The following TNRC6A variants were observed in gnomAD, a reference collection of about 807,000 sequenced individuals.
TNRC6A encodes trinucleotide repeat-containing gene 6A protein.
Under a neutral mutation model 221.2 loss-of-function variants are expected in TNRC6A, and 44 were observed. That is an observed-to-expected ratio of 0.20 (90% CI 0.16 to 0.26). The LOEUF (loss-of-function observed/expected upper bound fraction) is 0.26. Ranked by LOEUF, TNRC6A falls within the 10% of genes least tolerant of loss-of-function variation. The pLI, the probability that TNRC6A is intolerant of heterozygous loss-of-function variation, is 1.00. For missense variants in TNRC6A, 2,199 were observed against 2,404.4 expected (o/e 0.91, Z 1.79); for synonymous variants, 847 against 838.5 (o/e 1.01, Z -0.18).
chr16:24,760,527 C>G (rs1381161658), intron 4 of TNRC6A, among the ~76,000 whole-genome samples: 1 of 152,178 alleles, frequency 6.6e-6, no homozygotes, highest in African/African-American at 2.4e-5. Context: ...AGTGATTTCA[C>G]TCATGTCATC....
intron 2 of TNRC6A, among the ~76,000 whole-genome samples, chr16:24,741,799 C>T (rs1257995872): frequency 1.5e-5 from 2 of 137,136 alleles, no homozygotes; most frequent in African/African-American, 5.0e-5. Context: ...TGTGCCTAGT[C>T]TCTCATGGCT....
At chr16:24,679,523 C>T (rs1168853411) in intron 2 of TNRC6A, among the ~76,000 whole-genome samples, 1 of 152,096 alleles carries the variant, frequency 6.6e-6, no homozygotes, top group African/African-American at 2.4e-5. Context: ...GTCGCCCAGG[C>T]TGGAGTGCAG....
intron 1 of TNRC6A, among the ~76,000 whole-genome samples, chr16:24,633,437 C>T (rs544516519): frequency 6.6e-6 from 1 of 152,146 alleles, no homozygotes; most frequent in African/African-American, 2.4e-5. Flanking sequence ...CTCTGTTGCC[C>T]AGGCTGGAGT....
At chr16:24,611,047 C>T (rs1421531915) in intron 1 of TNRC6A, among the ~76,000 whole-genome samples, 3 of 152,000 alleles carry the variant, frequency 2.0e-5, no homozygotes, top group Admixed American at 6.6e-5. Context: ...TCCTGACCTC[C>T]GGTGATCTCC....
intron 1 of TNRC6A, among the ~76,000 whole-genome samples, chr16:24,630,354 A>G (rs765117024): frequency 2.0e-5 from 3 of 152,054 alleles, no homozygotes; most frequent in Non-Finnish European, 4.4e-5. Context: ...AGCATCTGGA[A>G]GTGCTATCTT....
intron 15 of TNRC6A, 26 bp from the exon 16 acceptor site, chr16:24,806,177 TAAC>T (rs774359247): frequency 3.1e-6 from 5 of 1,613,052 alleles, no homozygotes; most frequent in Non-Finnish European, 3.4e-6. Flanking sequence ...GGTGTGATAG[TAAC>T]AACCTTTTCG....
intron 2 of TNRC6A, among the ~76,000 whole-genome samples, chr16:24,648,493 A>G (rs1314774410): frequency 1.3e-5 from 2 of 151,816 alleles, no homozygotes; most frequent in Non-Finnish European, 2.9e-5. Flanking sequence ...GATGGTCTCG[A>G]TCTCCTGACC....
chr16:24,806,838 G>A, intron 17 of TNRC6A, 54 bp downstream of exon 17: 9 of 1,542,130 alleles, frequency 5.8e-6, no homozygotes, highest in Non-Finnish European at 5.4e-6. Context: ...TCACAGGCGT[G>A]CCTCCTTCAC....
chr16:24,632,771 G>A (rs1304436143), intron 1 of TNRC6A, among the ~76,000 whole-genome samples: 1 of 152,024 alleles, frequency 6.6e-6, no homozygotes, highest in Non-Finnish European at 1.5e-5. Flanking sequence ...CACTTTGGGA[G>A]GCCGAGGCGG....
rs997910248 is a variant in TNRC6A at position 24,806,291 on chromosome 16, C to G, written c.4329+8C>G. On this transcript the variant is annotated splice_region_variant and intron_variant, in intron 16 of 24. Transcript: ENST00000395799. ...CCGCAGCAAGACCAGCAGGTAGAGC[C>G]CGCCCTGCAACTCGCAATGCTGTCT... is the stretch of plus-strand genomic sequence containing the variant. 18 of 1,613,830 alleles carry G rather than the reference C, an allele frequency of 1.1e-5. No individual in the cohort carries two copies. The highest frequency in any genetic ancestry group is 1.4e-5 in the Non-Finnish European group (17 of 1,179,958).
At chr16:24,821,382 C>A (rs1303709272) in intron 22 of TNRC6A, among the ~76,000 whole-genome samples, 1 of 152,204 alleles carries the variant, frequency 6.6e-6, no homozygotes, top group Non-Finnish European at 1.5e-5. Context: ...CGAGGGGCAG[C>A]CTCTGCCAAG....
intron 3 of TNRC6A, among the ~76,000 whole-genome samples, chr16:24,752,128 A>G (rs2057151083): frequency 6.6e-6 from 1 of 152,174 alleles, no homozygotes; most frequent in African/African-American, 2.4e-5. Flanking sequence ...GTATTTTAGT[A>G]TGTTTACCTT....
intron 2 of TNRC6A, among the ~76,000 whole-genome samples, chr16:24,651,002 A>G (rs1182491727): frequency 1.3e-5 from 2 of 152,158 alleles, no homozygotes; most frequent in African/African-American, 4.8e-5. Flanking sequence ...TGGATTGAAC[A>G]GTGTAGCTCC....
chr16:24,705,003 T>G (rs529979272), intron 2 of TNRC6A, among the ~76,000 whole-genome samples: 1 of 152,222 alleles, frequency 6.6e-6, no homozygotes, highest in South Asian at 2.1e-4. Flanking sequence ...ACTTAAATTT[T>G]TTTTAATTTT....
chr16:24,790,510 A>G lies in TNRC6A; in HGVS notation c.1868A>G (p.Asn623Ser), dbSNP rs560166600. The G allele has an allele frequency of 1.1e-5, 18 of 1,614,234 alleles. No individual in the cohort carries two copies. The South Asian group carries it at 1.3e-4, about 12-fold the overall frequency. The stretch of plus-strand genomic sequence containing the variant: ...GTTGAGTGGAACAAACTGCCTAGCA[A>G]TCAGCATTCCAATGATAGTGCAAAT... ...PSVEWNKLPS[N>S]QHSNDSANGN... Residue 623 changes from asparagine to serine, a missense_variant, in exon 6 of 25, where the codon AAT becomes AGT. Coordinates refer to ENST00000395799, the MANE Select transcript of TNRC6A (RefSeq NM_014494.4).
intron 2 of TNRC6A, among the ~76,000 whole-genome samples, chr16:24,730,806 T>C (rs2056620480): frequency 7.5e-6 from 1 of 133,872 alleles, no homozygotes. Flanking sequence ...AGTTTTGTCC[T>C]TGAACTTTAC....
intron 2 of TNRC6A, among the ~76,000 whole-genome samples, chr16:24,695,400 A>T (rs772360848): frequency 2.1e-4 from 32 of 151,900 alleles, no homozygotes; most frequent in Admixed American, 5.9e-4. Context: ...ACATATATAT[A>T]TTTTTTGTTT....
At chr16:24,801,898 G>C (rs772984557) in intron 11 of TNRC6A, among the ~76,000 whole-genome samples, 1 of 152,206 alleles carries the variant, frequency 6.6e-6, no homozygotes. Flanking sequence ...TGAAGAGAGT[G>C]GGGGAAAGAG....
chr16:24,810,499 TC>T (rs1047412373), intron 18 of TNRC6A, among the ~76,000 whole-genome samples: 9 of 152,306 alleles, frequency 5.9e-5, no homozygotes, highest in African/African-American at 2.2e-4. Context: ...AATACCAAGT[TC>T]CTTAGGAGCA....
Sources: allele counts gnomAD v4.1 joint callset (sites outside exome capture counted in the v4.1 genomes callset), GRCh38; gene constraint gnomAD v4.1.1; transcripts MANE v1.5; gene names NCBI Gene and HGNC (gene_info 2026-07-23, HGNC 2026-07-21).